HIPK1: variants seen among roughly 807,000 people sequenced by gnomAD.
HIPK1 encodes the protein homeodomain interacting protein kinase 1.
In HIPK1, 28 loss-of-function variants were observed where a neutral mutation model predicts 117.1. The observed-to-expected ratio is 0.24, with a 90% confidence interval of 0.18 to 0.33. The LOEUF (loss-of-function observed/expected upper bound fraction) is 0.33, where lower values mean the gene tolerates loss of function less well. Among genes scored for constraint, HIPK1 ranks in the 10% least tolerant of loss-of-function variants. HIPK1 has a pLI of 1.00. For synonymous variants in HIPK1, 605 were observed against 562.5 expected, an observed-to-expected ratio of 1.08 and a Z score of -1.07; for missense variants, 1,122 against 1,475.1, an observed-to-expected ratio of 0.76 and a Z score of 3.92.
At chr1:113,948,110 G>T (rs1318295624) in intron 2 of HIPK1, among the ~76,000 whole-genome samples, 1 of 152,180 alleles carries the variant, frequency 6.6e-6, no homozygotes, top group African/African-American at 2.4e-5. Flanking sequence ...ACAGTTTAAA[G>T]TATTCAGTCC....
At chr1:113,938,895 G>C (rs1043584971) in intron 1 of HIPK1, among the ~76,000 whole-genome samples, 1 of 124,736 alleles carries the variant, frequency 8.0e-6, no homozygotes, top group Non-Finnish European at 1.6e-5. Flanking sequence ...GGGCTACAGA[G>C]TGAGACTCTG....
chr1:113,931,896 G>C (rs906198401), intron 1 of HIPK1, among the ~76,000 whole-genome samples: 1 of 152,120 alleles, frequency 6.6e-6, no homozygotes, highest in African/African-American at 2.4e-5. Context: ...GTGTATAACA[G>C]CAGTCTGTAT....
At chr1:113,937,416 C>T (rs1403945756) in intron 1 of HIPK1, among the ~76,000 whole-genome samples, 7 of 151,530 alleles carry the variant, frequency 4.6e-5, no homozygotes, top group Non-Finnish European at 7.4e-5. Context: ...GGAGTAGAGA[C>T]TTCCCCCATG....
Position 113,968,547 on chromosome 1 carries a change from T to G in HIPK1, c.2670T>G (p.His890Gln). Residue 890 changes from histidine (H) to glutamine (Q), a missense_variant, in exon 13 of 16, where the codon CAT becomes CAG. Transcript: ENST00000426820. ...YNSLVPVQDQ[H>Q]QPIIIPDTPS... ...CCTTGGTCCCTGTCCAAGATCAGCA[T>G]CAGCCCATCATCATTCCAGATACTC... The G allele has an allele frequency of 6.2e-7, 1 of 1,614,074 alleles. No individual in the cohort carries two copies. Among genetic ancestry groups the G allele is most frequent in the Non-Finnish European group, 8.5e-7 (1 of 1,179,878 alleles).
chr1:113,967,826 T>C lies in HIPK1; in HGVS notation c.2442T>C (p.Thr814=). The part of the protein sequence containing the change: ...STIMQQPSLL[T]NHVTLATAQP... ...TCATGCAGCAGCCATCCTTGCTGAC[T>C]AACCATGTGACATTGGCCACTGCTC... The change falls in exon 12 of 16, where the codon ACT becomes ACC. Residue 814 remains threonine, a synonymous_variant. Transcript: ENST00000426820. 1 of 1,611,574 alleles carries C rather than the reference T, an allele frequency of 6.2e-7. No homozygotes were observed. The highest frequency in any genetic ancestry group is 1.1e-5 in the South Asian group (1 of 90,606).
chr1:113,935,867 A>G (rs1272144556), intron 1 of HIPK1, among the ~76,000 whole-genome samples: 1 of 152,196 alleles, frequency 6.6e-6, no homozygotes, highest in African/African-American at 2.4e-5. Context: ...TTGAATTGAA[A>G]ATATCTGTAA....
In HIPK1 at chr1:113,937,464, TA is replaced by T. The variant is rs533322128; in HGVS notation, c.-2-2906del. 4.7e-3 allele frequency among the ~76,000 whole-genome samples: 688 copies of T among 145,718 alleles called. 2 individuals carry two copies. Among genetic ancestry groups the T allele is most frequent in the African/African-American group, 0.014 (571 of 39,940 alleles). ...CACAGATAAAAAGGAGGGAAGACATTAAAAAAAAAAAATCAAGGATCGAGCA... is the reference window on the plus strand; with the variant it reads ...CACAGATAAAAAGGAGGGAAGACATTAAAAAAAAAAATCAAGGATCGAGCA... On this transcript the variant is annotated intron_variant, in intron 1 of 15. Coordinates refer to ENST00000426820, the MANE Select transcript of HIPK1 (RefSeq NM_198268.3).
At position 113,941,853 on chromosome 1, in the gene HIPK1, G is replaced by A. The variant is rs1428503083; in HGVS notation, c.1076+394G>A. Among the ~76,000 whole-genome samples, 3 of 152,088 alleles carry A rather than the reference G, an allele frequency of 2.0e-5. No individual in the cohort carries two copies. Among genetic ancestry groups the A allele is most frequent in the South Asian group, 2.1e-4 (1 of 4,832 alleles). The stretch of plus-strand genomic sequence containing the variant: ...CAGCTCACTGCAAGCCCCACCTCCT[G>A]GGTTCACGCCATTCTCCTGCCTCAG... On this transcript the variant is annotated intron_variant, in intron 2 of 15. Transcript: ENST00000426820. This position sits in a 1 kb window ranked among gnomAD's most constrained non-coding sequence, Gnocchi z 4.9.
intron 11 of HIPK1, among the ~76,000 whole-genome samples, 180 bp downstream of exon 11, chr1:113,966,452 G>A (rs1335309946): frequency 6.6e-6 from 1 of 152,182 alleles, no homozygotes; most frequent in Admixed American, 6.5e-5. Context: ...ATATAGGAAA[G>A]CAGTAGGTTC....
rs1673114785 is a variant in HIPK1 at position 113,975,965 on chromosome 1, A to G, written c.*2453A>G. ...GTGTTCCATCTGAATTGAAAATGAT[A>G]TATTTGAGATATAATTTTAGGACTG... is the stretch of plus-strand genomic sequence containing the variant. On this transcript the variant is annotated 3_prime_UTR_variant, in exon 16 of 16. Coordinates refer to ENST00000426820, the MANE Select transcript of HIPK1 (RefSeq NM_198268.3). 2 of 152,666 alleles carry G rather than the reference A, an allele frequency of 1.3e-5. No individual in the cohort carries two copies. The highest frequency in any genetic ancestry group is 2.1e-4 in the South Asian group (1 of 4,824). 9.5% of individuals were successfully genotyped at this position (152,666 alleles called of 1,614,324 possible).
chr1:113,951,762 G>A (rs1671374264), intron 2 of HIPK1, among the ~76,000 whole-genome samples: 1 of 152,158 alleles, frequency 6.6e-6, no homozygotes, highest in Admixed American at 6.6e-5. Context: ...TGAGGAACCT[G>A]AGGCACAGAG....
intron 2 of HIPK1, among the ~76,000 whole-genome samples, chr1:113,947,461 A>G (rs1038811332): frequency 6.6e-6 from 1 of 152,244 alleles, no homozygotes; most frequent in Non-Finnish European, 1.5e-5. Context: ...GTCAAAATAT[A>G]GTTTCACCTA....
chr1:113,962,719 T>C (rs1416602959), intron 9 of HIPK1, among the ~76,000 whole-genome samples: 1 of 152,210 alleles, frequency 6.6e-6, no homozygotes. Context: ...GAAGCGTTTT[T>C]TTTTGTTGTT....
intron 2 of HIPK1, among the ~76,000 whole-genome samples, chr1:113,952,042 G>T (rs1043940361): frequency 6.7e-6 from 1 of 149,380 alleles, no homozygotes; most frequent in Middle Eastern, 3.4e-3. Context: ...GGGTTCAAGC[G>T]ATTCTTTTGT....
At position 113,976,554 on chromosome 1, in the gene HIPK1, T is replaced by C. The variant is rs991166262; in HGVS notation, c.*3042T>C. On this transcript the variant is annotated 3_prime_UTR_variant, in exon 16 of 16. Transcript: ENST00000426820. ...AAAAGGATAATACCAAGAGCTTGTA[T>C]TGTTACCTTAGTCACTTGCCTAGCA... 1.3e-5 allele frequency: 2 copies of C among 152,804 alleles called. No homozygotes were observed. The highest frequency in any genetic ancestry group is 2.9e-5 in the Non-Finnish European group (2 of 68,040). The allele number at this position is 152,804 out of a possible 1,614,324, so 9.5% of individuals were successfully genotyped here.
intron 1 of HIPK1, chr1:113,929,861 G>T: frequency 1.0e-6 from 1 of 987,800 alleles, no homozygotes; most frequent in Non-Finnish European, 1.2e-6. Flanking sequence ...TGACCCGGCT[G>T]CGGGGCCCCA....
In HIPK1 at chr1:113,973,230, G is replaced by T. The variant is rs780070276; in HGVS notation, c.3351G>T (p.Pro1117=). Residue 1117 remains proline, a synonymous_variant, in exon 16 of 16, where the codon CCG becomes CCT. Transcript: ENST00000426820. ...SQAHLYTYAA[P]TSAAALGSTS... The stretch of plus-strand genomic sequence containing the variant: ...CTCATCTGTATACGTATGCTGCCCC[G>T]ACTTCTGCTGCTGCACTGGGCTCAA... 6.2e-7 allele frequency: 1 copy of T among 1,613,912 alleles called. No individual in the cohort carries two copies. The highest frequency in any genetic ancestry group is 1.3e-5 in the African/African-American group (1 of 74,970).
intron 3 of HIPK1, 22 bp downstream of exon 3, chr1:113,952,911 G>GAAATAGAATGC: frequency 6.9e-7 from 1 of 1,457,900 alleles, no homozygotes; most frequent in Non-Finnish European, 9.1e-7. Flanking sequence ...TATTTGAATG[G>GAAATAGAATGC]AAATAGAATG....
Position 113,941,852 on chromosome 1 carries a change from T to TG in HIPK1, c.1076+396dup, listed in dbSNP as rs1354581531. Among the ~76,000 whole-genome samples, 2 of 152,086 alleles carry TG rather than the reference T, an allele frequency of 1.3e-5. No homozygotes were observed. Among genetic ancestry groups the TG allele is most frequent in the African/African-American group, 4.8e-5 (2 of 41,404 alleles). Reference sequence around the variant, plus strand: ...TCAGCTCACTGCAAGCCCCACCTCCTGGGTTCACGCCATTCTCCTGCCTCA... The same window carrying TG: ...TCAGCTCACTGCAAGCCCCACCTCCTGGGGTTCACGCCATTCTCCTGCCTCA... On this transcript the variant is annotated intron_variant, in intron 2 of 15. Transcript: ENST00000426820. This position sits in a 1 kb window ranked among gnomAD's most constrained non-coding sequence, Gnocchi z 4.9.
Sources: gnomAD v4.1 joint callset for allele counts (sites outside exome capture counted in the v4.1 genomes callset) on GRCh38, gnomAD v4.1.1 for gene constraint, Gnocchi (gnomAD v3.1) non-coding constraint, MANE v1.5 for transcripts, NCBI Gene and HGNC (gene_info 2026-07-23, HGNC 2026-07-21) for gene names.